The following FAM20A variants were observed in gnomAD, a reference collection of about 807,000 sequenced individuals.
The protein encoded by FAM20A is pseudokinase FAM20A.
FAM20A carries 42 observed loss-of-function variants against 52.0 expected under a neutral mutation model. That is an observed-to-expected ratio of 0.81 (90% CI 0.63 to 1.04). The LOEUF is 1.04. FAM20A is among the 50% of genes least tolerant of loss of function. The pLI, the probability that FAM20A is intolerant of heterozygous loss-of-function variation, is 0.00. For missense variants in FAM20A, 742 were observed against 712.7 expected (o/e 1.04, Z -0.47); for synonymous variants, 304 against 298.9 (o/e 1.02, Z -0.18).
chr17:68,536,744 C>G lies in FAM20A; in HGVS notation c.*733G>C, dbSNP rs1292828074. 4.4e-6 allele frequency: 2 copies of G among 449,484 alleles called. No individual in the cohort carries two copies. Among genetic ancestry groups the G allele is most frequent in the Non-Finnish European group, 8.9e-6 (2 of 225,230 alleles). The allele number at this position is 449,484 out of a possible 1,614,324, so 27.8% of individuals were successfully genotyped here. On this transcript the variant is annotated 3_prime_UTR_variant, in exon 11 of 11. Coordinates refer to ENST00000592554, the MANE Select transcript of FAM20A (RefSeq NM_017565.4). Reference sequence around the variant, plus strand: ...CCTTGGAGGACTTTCCTTTTTTTTTCCTTCGTTGTAATTATTTATTCTGTT... The same window carrying G: ...CCTTGGAGGACTTTCCTTTTTTTTTGCTTCGTTGTAATTATTTATTCTGTT...
chr17:68,584,242 A>G (rs1000874120), intron 1 of FAM20A, among the ~76,000 whole-genome samples: 10 of 151,942 alleles, frequency 6.6e-5, no homozygotes, highest in African/African-American at 2.4e-4. Context: ...ACTTGAATCC[A>G]GGAGGTGGAG....
chr17:68,541,682 A>G (rs780683030), intron 7 of FAM20A: 22 of 289,920 alleles, frequency 7.6e-5, no homozygotes, highest in Non-Finnish European at 3.3e-5. Flanking sequence ...TGTTTTCGTG[A>G]TCTGGCTACA....
intron 4 of FAM20A, among the ~76,000 whole-genome samples, chr17:68,548,858 G>C (rs1337780564): frequency 2.1e-5 from 3 of 145,412 alleles, no homozygotes; most frequent in East Asian, 4.5e-4. Flanking sequence ...TCAGCCTCCC[G>C]AGCAGCTGGG....
At chr17:68,584,353 A>AAACAAAACAAAAC in intron 1 of FAM20A, among the ~76,000 whole-genome samples, 1 of 121,194 alleles carries the variant, frequency 8.3e-6, no homozygotes, top group African/African-American at 2.7e-5. Context: ...AAAACAAAAA[A>AAACAAAACAAAAC]AAAACCCAAA....
chr17:68,566,254 A>G (rs1216488617), intron 1 of FAM20A, among the ~76,000 whole-genome samples: 5 of 152,112 alleles, frequency 3.3e-5, no homozygotes, highest in Non-Finnish European at 7.4e-5. Flanking sequence ...CATATTTCTC[A>G]TTTCTTCTAA....
rs1555824650 is a variant in FAM20A, at chr17:68,554,057, C to CATACAT, written c.640+719_640+720insATGTAT. Reference sequence around the variant, plus strand: ...ACACATGCATATATACACATATACACATATACACACATATACACACATATA... The same window carrying CATACAT: ...ACACATGCATATATACACATATACACATACATATATACACACATATACACACATATA... On this transcript the variant is annotated intron_variant, in intron 3 of 10. Transcript: ENST00000592554. 2.6e-4 allele frequency among the ~76,000 whole-genome samples: 34 copies of CATACAT among 131,528 alleles called. 1 individual carries two copies. The highest frequency in any genetic ancestry group is 7.0e-4 in the South Asian group (3 of 4,284). 86.3% of individuals were successfully genotyped at this position (131,528 alleles called of 152,430 possible).
intron 1 of FAM20A, among the ~76,000 whole-genome samples, chr17:68,568,345 G>A (rs2087439048): frequency 6.6e-6 from 1 of 151,678 alleles, no homozygotes; most frequent in African/African-American, 2.4e-5. Context: ...GTGGGCGCCT[G>A]TAGTCCCAGC....
intron 1 of FAM20A, among the ~76,000 whole-genome samples, chr17:68,595,543 G>A (rs1402168810): frequency 6.6e-6 from 1 of 152,194 alleles, no homozygotes; most frequent in Admixed American, 6.5e-5. Context: ...GGAGAAATGG[G>A]AAATGGAAGT....
At position 68,560,370 on chromosome 17, in the gene FAM20A, G is replaced by A. The variant is rs181051109; in HGVS notation, c.405-4627C>T. ...AAAAAAAAAAAAAAAAGAGATTTCGGAATGCTATCTCATCTCTCCCACTAT... is the reference window on the plus strand; with the variant it reads ...AAAAAAAAAAAAAAAAGAGATTTCGAAATGCTATCTCATCTCTCCCACTAT... On this transcript the variant is annotated intron_variant, in intron 1 of 10. Transcript: ENST00000592554. 4.7e-3 allele frequency among the ~76,000 whole-genome samples: 712 copies of A among 151,338 alleles called. 3 individuals carry two copies. Among genetic ancestry groups the A allele is most frequent in the Middle Eastern group, 0.021 (6 of 290 alleles).
intron 1 of FAM20A, among the ~76,000 whole-genome samples, chr17:68,596,376 C>T (rs1054460069): frequency 4.6e-5 from 7 of 152,272 alleles, no homozygotes; most frequent in Admixed American, 2.0e-4. Context: ...CCTTGCCTGT[C>T]GAGACCAGAG....
intron 1 of FAM20A, among the ~76,000 whole-genome samples, chr17:68,575,719 T>TTATATTTTATATATTA (rs1304393783): frequency 8.2e-6 from 1 of 122,526 alleles, no homozygotes. Context: ...ATTATATATT[T>TTATATTTTATATATTA]TATATTTTAT....
chr17:68,574,019 T>G (rs895664229), intron 1 of FAM20A, among the ~76,000 whole-genome samples: 1 of 151,928 alleles, frequency 6.6e-6, no homozygotes, highest in Non-Finnish European at 1.5e-5. Context: ...AAGTCCAAGG[T>G]TGAGGGGCAT....
chr17:68,542,911 C>T (rs963105823), intron 5 of FAM20A, 102 bp from the exon 6 acceptor site: 13 of 901,708 alleles, frequency 1.4e-5, no homozygotes, highest in Admixed American at 1.8e-5. Context: ...GCTGGTGTAC[C>T]CAGGAGGGTG....
Position 68,536,350 on chromosome 17 carries a change from T to C in FAM20A, c.*1127A>G, listed in dbSNP as rs1454399150. 3 of 453,958 alleles carry C rather than the reference T, an allele frequency of 6.6e-6. No individual in the cohort carries two copies. The highest frequency in any genetic ancestry group is 4.0e-5 in the African/African-American group (2 of 50,004). The allele number at this position is 453,958 out of a possible 1,614,324, so 28.1% of individuals were successfully genotyped here. On this transcript the variant is annotated 3_prime_UTR_variant, in exon 11 of 11. Coordinates refer to ENST00000592554, the MANE Select transcript of FAM20A (RefSeq NM_017565.4). ...TAGTCACTCCATGGAATGAAGACCT[T>C]ACTGTCCTTTGTGTTTTCGGTCATT... is the stretch of plus-strand genomic sequence containing the variant.
rs1007159047 is a variant in FAM20A at position 68,601,324 on chromosome 17, C to T, written c.-658G>A. 2.0e-5 allele frequency: 3 copies of T among 152,656 alleles called. No individual in the cohort carries two copies. The highest frequency in any genetic ancestry group is 7.2e-5 in the African/African-American group (3 of 41,444). The allele number at this position is 152,656 out of a possible 1,614,324, so 9.5% of individuals were successfully genotyped here. On this transcript the variant is annotated 5_prime_UTR_variant, in exon 1 of 11. Coordinates refer to ENST00000592554, the MANE Select transcript of FAM20A (RefSeq NM_017565.4). Reference sequence around the variant, plus strand: ...CTGGCCTGGCGCCGGCACCCCCACCCACTCTCCGCTGGCACCTGCCTCTGG... The same window carrying T: ...CTGGCCTGGCGCCGGCACCCCCACCTACTCTCCGCTGGCACCTGCCTCTGG...
At chr17:68,541,796 T>C (rs2086309156) in intron 7 of FAM20A, 189 bp downstream of exon 7, 1 of 648,508 alleles carries the variant, frequency 1.5e-6, no homozygotes. Flanking sequence ...GAAGGTTCTT[T>C]AGAACTGAAT....
chr17:68,541,437 A>G (rs1258799603), intron 7 of FAM20A: 1 of 198,982 alleles, frequency 5.0e-6, no homozygotes, highest in Non-Finnish European at 1.0e-5. Context: ...AGGATCTGTC[A>G]TGTCCTCCAG....
chr17:68,582,284 AGATT>A (rs2088029206), intron 1 of FAM20A: 1 of 152,298 alleles, frequency 6.6e-6, no homozygotes, highest in Non-Finnish European at 1.5e-5. Context: ...CAAAATAAGT[AGATT>A]GATTGCGTTC....
Position 68,537,624 on chromosome 17 carries a change from G to T in FAM20A, c.1479C>A (p.Pro493=), listed in dbSNP as rs1051754649. 5 of 1,613,730 alleles carry T rather than the reference G, an allele frequency of 3.1e-6. 1 individual carries two copies. The Middle Eastern group carries it at 4.9e-4, about 160-fold the overall frequency. ...EDQLSPVLTE[P]HLLALDRRLQ... ...GCCTTCGATCCAGGGCAAGGAGGTG[G>T]GGTTCAGTGAGGACAGGGCTGAGCT... The change falls in exon 11 of 11, where the codon CCC becomes CCA. Residue 493 remains proline (P), a synonymous_variant. Transcript: ENST00000592554. The surrounding 1 kb of genome is among the most constrained non-coding windows in gnomAD (Gnocchi z 4.2).
Sources: allele counts gnomAD v4.1 joint callset (sites outside exome capture counted in the v4.1 genomes callset), GRCh38; gene constraint gnomAD v4.1.1; non-coding constraint Gnocchi (gnomAD v3.1); transcripts MANE v1.5; gene names NCBI Gene and HGNC (gene_info 2026-07-23, HGNC 2026-07-21).